Variants in DCX observed in about 807,000 individuals in gnomAD.
DCX encodes the protein neuronal migration protein doublecortin.
Under a neutral mutation model 20.9 loss-of-function variants are expected in DCX, and 4 were observed. The ratio of observed to expected loss-of-function variants is 0.19; its 90% CI spans 0.09 to 0.44. DCX has a LOEUF of 0.44. DCX is among the 20% of genes least tolerant of loss of function. DCX has a pLI of 0.99. For missense variants in DCX, 133 were observed against 296.9 expected (o/e 0.45, Z 4.06); for synonymous variants, 103 against 111.4 (o/e 0.92, Z 0.47).
At chrX:111,353,621 A>G (rs1247281449) in intron 3 of DCX, among the ~76,000 whole-genome samples, 1 of 111,756 alleles carries the variant, frequency 8.9e-6, no homozygotes. Context: ...ATTTTATAAA[A>G]TCTATATGAT....
intron 3 of DCX, among the ~76,000 whole-genome samples, chrX:111,361,143 T>A (rs1305821397): frequency 8.9e-6 from 1 of 111,974 alleles, no homozygotes; most frequent in Non-Finnish European, 1.9e-5. Flanking sequence ...TACAGAAAAG[T>A]GCTAGAAGAA....
chrX:111,336,545 T>C (rs1921754012), intron 3 of DCX, among the ~76,000 whole-genome samples: 1 of 112,131 alleles, frequency 8.9e-6, no homozygotes, highest in African/African-American at 3.2e-5. Flanking sequence ...CCCATCTTTG[T>C]TACAGGGTTG....
At position 111,326,686 on chromosome X, in the gene DCX, A is replaced by C. The variant is rs192043164; in HGVS notation, c.946+4218T>G. 3.6e-3 allele frequency among the ~76,000 whole-genome samples: 398 copies of C among 111,794 alleles called. 3 individuals carry two copies. Among genetic ancestry groups the C allele is most frequent in the African/African-American group, 0.012 (378 of 30,772 alleles). The stretch of plus-strand genomic sequence containing the variant: ...CTTACAGAAATATTATATAGACAAC[A>C]AAATCCTTACTTAACTTGAGTTTAG... On this transcript the variant is annotated intron_variant, in intron 5 of 6. Transcript: ENST00000636035.
chrX:111,361,721 T>G (rs889008511), intron 3 of DCX, among the ~76,000 whole-genome samples: 1 of 112,522 alleles, frequency 8.9e-6, no homozygotes, highest in Non-Finnish European at 1.9e-5. Context: ...ACATTTCATT[T>G]ACAGTAAAAT....
chrX:111,347,470 C>G (rs1408631293), intron 3 of DCX, among the ~76,000 whole-genome samples: 1 of 111,525 alleles, frequency 9.0e-6, no homozygotes. Flanking sequence ...TTTGGCTTGC[C>G]TTGTGGGGCT....
chrX:111,384,693 C>A (rs971312924), intron 3 of DCX, among the ~76,000 whole-genome samples: 15 of 111,852 alleles, frequency 1.3e-4, no homozygotes, highest in Non-Finnish European at 2.8e-4. Flanking sequence ...AACTATTGGG[C>A]ATTTTGTTTA....
intron 6 of DCX, among the ~76,000 whole-genome samples, chrX:111,302,256 G>A (rs1390083991): frequency 1.8e-5 from 2 of 111,711 alleles, no homozygotes; most frequent in Non-Finnish European, 3.8e-5. Context: ...ATAATTCCCC[G>A]GAGACTCATG....
intron 3 of DCX, among the ~76,000 whole-genome samples, chrX:111,374,764 T>C (rs1212039711): frequency 9.1e-6 from 1 of 109,996 alleles, no homozygotes; most frequent in Non-Finnish European, 1.9e-5. Flanking sequence ...TTGGTCATGA[T>C]TCCAGCTTCT....
rs199926927 is a variant in DCX, at chrX:111,409,993, T to C, written c.364+42A>G. On this transcript the variant is annotated intron_variant, in intron 2 of 6. Coordinates refer to ENST00000636035, the MANE Select transcript of DCX (RefSeq NM_001195553.2). ...CGAAGAATGTAACCATAACCAATGA[T>C]GCCACCTCCCACCAACGGCCACCAC... 324 of 1,207,945 alleles carry C rather than the reference T, an allele frequency of 2.7e-4. 2 individuals are homozygous for C. In the East Asian group the frequency reaches 9.1e-3, roughly 34 times the overall value.
chrX:111,356,070 G>A (rs1279742332), intron 3 of DCX, among the ~76,000 whole-genome samples: 1 of 112,166 alleles, frequency 8.9e-6, no homozygotes, highest in Non-Finnish European at 1.9e-5. Flanking sequence ...AGGGGAAGAA[G>A]TATATCTCAG....
intron 3 of DCX, among the ~76,000 whole-genome samples, chrX:111,355,713 G>A (rs1327737766): frequency 9.0e-6 from 1 of 111,309 alleles, no homozygotes; most frequent in Non-Finnish European, 1.9e-5. Context: ...CCAAGAGAAG[G>A]GGAAAGGAAG....
chrX:111,329,806 C>G (rs1326513102), intron 5 of DCX, among the ~76,000 whole-genome samples: 1 of 112,160 alleles, frequency 8.9e-6, no homozygotes, highest in East Asian at 2.8e-4. Context: ...ATCTTGGCAC[C>G]AGCATTTCAT....
chrX:111,312,039 G>T (rs1165621004), intron 6 of DCX, among the ~76,000 whole-genome samples: 3 of 112,480 alleles, frequency 2.7e-5, no homozygotes, highest in African/African-American at 9.7e-5. Flanking sequence ...GAATTTATGT[G>T]CTTTTGTTAT....
At chrX:111,336,315 G>A (rs1020233375) in intron 3 of DCX, among the ~76,000 whole-genome samples, 1 of 112,200 alleles carries the variant, frequency 8.9e-6, no homozygotes, top group African/African-American at 3.2e-5. Context: ...CCTCTTTGGG[G>A]GAGCCTCTAA....
rs185367263 is a variant in DCX at position 111,339,920 on chromosome X, G to A, written c.706-6767C>T. On this transcript the variant is annotated intron_variant, in intron 3 of 6. Coordinates refer to ENST00000636035, the MANE Select transcript of DCX (RefSeq NM_001195553.2). ...CACTTTTCTCCCTCTCCCTGGTCAC[G>A]GTACTAGTCTAAAATACACTACAAC... 2.0e-4 allele frequency among the ~76,000 whole-genome samples: 22 copies of A among 112,277 alleles called. No homozygotes were observed. The East Asian group carries it at 2.3e-3, about 11-fold the overall frequency.
chrX:111,361,328 G>A (rs1011392313), intron 3 of DCX, among the ~76,000 whole-genome samples: 5 of 111,920 alleles, frequency 4.5e-5, no homozygotes, highest in Non-Finnish European at 9.4e-5. Flanking sequence ...GGAACAATGA[G>A]CTTTCTGTCT....
At chrX:111,397,357 A>C (rs1484527118) in intron 3 of DCX, among the ~76,000 whole-genome samples, 1 of 111,804 alleles carries the variant, frequency 8.9e-6, no homozygotes, top group Non-Finnish European at 1.9e-5. Context: ...CGTATAGCCA[A>C]AAACATGCAT....
At chrX:111,405,039 C>A (rs1928103647) in intron 2 of DCX, among the ~76,000 whole-genome samples, 1 of 112,380 alleles carries the variant, frequency 8.9e-6, no homozygotes, top group Admixed American at 9.4e-5. Context: ...GAACTAAAAA[C>A]CTGCTTTAGG....
chrX:111,401,202 T>C lies in DCX; in HGVS notation c.493A>G (p.Ser165Gly). 1.7e-6 allele frequency: 2 copies of C among 1,211,752 alleles called. No homozygotes were observed. Among genetic ancestry groups the C allele is most frequent in the Non-Finnish European group, 2.2e-6 (2 of 895,495 alleles). Reference sequence around the variant, plus strand: ...TTCTCCCTGGCCTGTGCACTGTTGCTGCTAGCCAAGGACTGGGGGGCTTTC... The same window carrying C: ...TTCTCCCTGGCCTGTGCACTGTTGCCGCTAGCCAAGGACTGGGGGGCTTTC... ...NMKAPQSLAS[S>G]NSAQARENKD... is the part of the protein sequence containing the mutation. The change falls in exon 3 of 7, where the codon AGC becomes GGC. Residue 165 changes from serine to glycine, a missense_variant. Ser to Gly is a moderately conservative substitution (Grantham distance 56, BLOSUM62 0). Transcript: ENST00000636035.
Sources: allele counts gnomAD v4.1 joint callset (sites outside exome capture counted in the v4.1 genomes callset), GRCh38; gene constraint gnomAD v4.1.1; transcripts MANE v1.5; gene names NCBI Gene and HGNC (gene_info 2026-07-23, HGNC 2026-07-21).